Variants in PTPRT observed in about 807,000 individuals in gnomAD.
The protein encoded by PTPRT is receptor-type tyrosine-protein phosphatase T.
PTPRT carries 56 observed loss-of-function variants against 176.8 expected under a neutral mutation model. That is an observed-to-expected ratio of 0.32 (90% CI 0.26 to 0.40). The LOEUF is 0.40. PTPRT is among the 10% of genes least tolerant of loss of function. The probability of loss-of-function intolerance (pLI) is 1.00; values close to 1 mark genes in which losing one functional copy is unlikely to be tolerated. For missense variants in PTPRT, 1,540 were observed against 1,908.2 expected (o/e 0.81, Z 3.60); for synonymous variants, 783 against 739.0 (o/e 1.06, Z -0.96).
intron 7 of PTPRT, among the ~76,000 whole-genome samples, chr20:42,634,004 T>TA: frequency 4.3e-5 from 1 of 23,510 alleles, no homozygotes; most frequent in South Asian, 8.0e-4. Flanking sequence ...ATATATTATA[T>TA]ATATATAATA....
chr20:42,914,591 AC>A (rs1978611170), intron 1 of PTPRT, among the ~76,000 whole-genome samples: 1 of 152,258 alleles, frequency 6.6e-6, no homozygotes, highest in African/African-American at 2.4e-5. Context: ...TTCAAAGGCT[AC>A]AGAATGCATG....
chr20:42,225,851 C>T (rs570165342), intron 15 of PTPRT, among the ~76,000 whole-genome samples: 3 of 152,262 alleles, frequency 2.0e-5, no homozygotes, highest in Admixed American at 2.0e-4. Context: ...TGGGGTCTCG[C>T]CATGTTGGTC....
At chr20:42,990,275 C>T (rs975850736) in intron 1 of PTPRT, among the ~76,000 whole-genome samples, 5 of 152,138 alleles carry the variant, frequency 3.3e-5, no homozygotes, top group African/African-American at 1.2e-4. Flanking sequence ...AAAATATTTC[C>T]TAGCTGGCTT....
intron 19 of PTPRT, among the ~76,000 whole-genome samples, chr20:42,125,162 C>T (rs17221018): frequency 0.29 from 43,746 of 152,046 alleles, 6,794 homozygotes; most frequent in Non-Finnish European, 0.34. Context: ...ATACTGCACC[C>T]TACCCTACTG....
At chr20:43,104,561 G>A (rs1383891804) in intron 1 of PTPRT, among the ~76,000 whole-genome samples, 1 of 152,170 alleles carries the variant, frequency 6.6e-6, no homozygotes, top group Non-Finnish European at 1.5e-5. Context: ...TAAATGTGGT[G>A]AGACATATTA....
intron 13 of PTPRT, among the ~76,000 whole-genome samples, chr20:42,253,956 T>C (rs1201475477): frequency 6.6e-6 from 1 of 152,214 alleles, no homozygotes; most frequent in Non-Finnish European, 1.5e-5. Flanking sequence ...AGTCTTAATC[T>C]GGCTTTTATA....
chr20:42,750,476 G>C (rs1332703206), intron 6 of PTPRT, among the ~76,000 whole-genome samples: 2 of 152,102 alleles, frequency 1.3e-5, no homozygotes. Flanking sequence ...ACAGGTACCA[G>C]GGAGCAGGAC....
intron 7 of PTPRT, among the ~76,000 whole-genome samples, chr20:42,649,601 A>G (rs1360841666): frequency 6.6e-6 from 1 of 152,164 alleles, no homozygotes; most frequent in African/African-American, 2.4e-5. Context: ...GTATCCATAG[A>G]TTCCTCACAG....
intron 6 of PTPRT, among the ~76,000 whole-genome samples, chr20:42,735,748 G>A (rs1361620137): frequency 6.6e-6 from 1 of 151,920 alleles, no homozygotes; most frequent in Non-Finnish European, 1.5e-5. Flanking sequence ...ATGGCTGGGA[G>A]CCAGCCCTGC....
chr20:42,316,593 C>T (rs1600825411), intron 11 of PTPRT, among the ~76,000 whole-genome samples: 1 of 152,198 alleles, frequency 6.6e-6, no homozygotes, highest in Non-Finnish European at 1.5e-5. Flanking sequence ...CTTCCATTGT[C>T]CAAATTATAC....
At chr20:42,584,710 C>T (rs1265193182) in intron 7 of PTPRT, among the ~76,000 whole-genome samples, 1 of 152,178 alleles carries the variant, frequency 6.6e-6, no homozygotes, top group African/African-American at 2.4e-5. Flanking sequence ...AGTACGAATT[C>T]TCCGCAAACA....
At position 42,161,599 on chromosome 20, in the gene PTPRT, C is replaced by A; in HGVS notation, c.2492-57G>T. ...ACCTATAGAAGCTTTGCCCTTTGTCCTCCCTGTCTCCCCCAGCTTGGCCTG... is the reference window on the plus strand; with the variant it reads ...ACCTATAGAAGCTTTGCCCTTTGTCATCCCTGTCTCCCCCAGCTTGGCCTG... On this transcript the variant is annotated intron_variant, in intron 16 of 30. Transcript: ENST00000373187. 5.9e-6 allele frequency: 9 copies of A among 1,520,460 alleles called. No homozygotes were observed. In the South Asian group the frequency reaches 1.2e-4, roughly 20 times the overall value. The allele number at this position is 1,520,460 out of a possible 1,614,324, so 94.2% of individuals were successfully genotyped here. A position where few individuals can be genotyped will look rare whatever the true frequency, so the allele number is the denominator to read the frequency against.
At chr20:42,984,555 C>T (rs1311774463) in intron 1 of PTPRT, among the ~76,000 whole-genome samples, 2 of 152,208 alleles carry the variant, frequency 1.3e-5, no homozygotes, top group Non-Finnish European at 2.9e-5. Flanking sequence ...CTCTGCAGCT[C>T]CCTACCCCAT....
rs2425542 is a variant in PTPRT, at chr20:42,903,887, G to T, written c.89-17955C>A. Among the ~76,000 whole-genome samples, 455 of 152,276 alleles carry T rather than the reference G, an allele frequency of 3.0e-3. 1 individual carries two copies. Among genetic ancestry groups the T allele is most frequent in the South Asian group, 1.0e-2 (48 of 4,818 alleles). On this transcript the variant is annotated intron_variant, in intron 1 of 30. Coordinates refer to ENST00000373187, the MANE Select transcript of PTPRT (RefSeq NM_007050.6). ...ACCCAGTTAAATCAGCAAGCCTTCT[G>T]CTCTTCCTCTCTAATGTTGACACTT... is the stretch of plus-strand genomic sequence containing the variant.
intron 9 of PTPRT, among the ~76,000 whole-genome samples, chr20:42,373,429 T>C (rs954149531): frequency 2.0e-5 from 3 of 152,216 alleles, no homozygotes; most frequent in African/African-American, 7.2e-5. Context: ...ATTTGTAAAC[T>C]GACAGGATCC....
intron 9 of PTPRT, among the ~76,000 whole-genome samples, chr20:42,428,977 G>C (rs1326004339): frequency 6.6e-6 from 1 of 152,126 alleles, no homozygotes; most frequent in African/African-American, 2.4e-5. Flanking sequence ...CAAGTGGATT[G>C]ATCATGATTG....
At chr20:42,055,052 A>G in the PTPRT span, among the ~76,000 whole-genome samples, 6 of 152,216 alleles carry the variant, frequency 3.9e-5, no homozygotes, top group Admixed American at 3.9e-4. Context: ...TAACCTGCAC[A>G]ATGTGCACAT....
intron 9 of PTPRT, among the ~76,000 whole-genome samples, chr20:42,401,413 T>G (rs935176401): frequency 2.6e-5 from 4 of 152,138 alleles, no homozygotes; most frequent in African/African-American, 9.7e-5. Context: ...TAATAATATT[T>G]ATATCATATT....
chr20:42,219,188 G>C (rs2055831320), intron 15 of PTPRT, among the ~76,000 whole-genome samples: 1 of 152,188 alleles, frequency 6.6e-6, no homozygotes, highest in Admixed American at 6.6e-5. Flanking sequence ...GCCTCCTAAA[G>C]AAAAGCAATT....
Sources: allele counts gnomAD v4.1 joint callset (sites outside exome capture counted in the v4.1 genomes callset), GRCh38; gene constraint gnomAD v4.1.1; transcripts MANE v1.5; gene names NCBI Gene and HGNC (gene_info 2026-07-23, HGNC 2026-07-21).